Variants in FNIP1 observed in about 807,000 individuals in gnomAD.
FNIP1 encodes folliculin interacting protein 1, also known as folliculin-interacting protein 1.
Under a neutral mutation model 124.5 loss-of-function variants are expected in FNIP1, and 40 were observed. The ratio of observed to expected loss-of-function variants is 0.32; its 90% CI spans 0.25 to 0.42. FNIP1 has a LOEUF of 0.42. FNIP1 is among the 10% of genes least tolerant of loss of function. The pLI, the probability that FNIP1 is intolerant of heterozygous loss-of-function variation, is 1.00. For missense variants in FNIP1, 1,176 were observed against 1,403.7 expected (o/e 0.84, Z 2.59); for synonymous variants, 472 against 470.6 (o/e 1.00, Z -0.04).
chr5:131,661,928 G>A (rs1170892735), intron 15 of FNIP1, among the ~76,000 whole-genome samples: 1 of 152,156 alleles, frequency 6.6e-6, no homozygotes, highest in African/African-American at 2.4e-5. Context: ...TTTTCGATGG[G>A]TCAGTTATAA....
At chr5:131,746,885 T>C (rs951275664) in intron 1 of FNIP1, among the ~76,000 whole-genome samples, 2 of 152,220 alleles carry the variant, frequency 1.3e-5, no homozygotes, top group African/African-American at 4.8e-5. Flanking sequence ...CTACTTTACA[T>C]TCCCATCAAT....
chr5:131,704,244 G>C lies in FNIP1; in HGVS notation c.937C>G (p.Leu313Val), dbSNP rs1769001315. ...PRWSIEESFN[L>V]SDESCGPNPG... ...TTAGGGCCACAGCTTTCATCTGAGA[G>C]ATTAAAGCTTTCTTCTATAGACCTT... is the stretch of plus-strand genomic sequence containing the variant. The change falls in exon 10 of 18, where the codon CTC (leucine) becomes GTC (valine). Residue 313 changes from leucine to valine, a missense_variant. Physicochemically the swap from Leu to Val is conservative, Grantham distance 32. This residue lies in a region of FNIP1 where 1,109 missense variants were observed against 1,288.5 expected (regional missense o/e 0.86). Coordinates refer to ENST00000510461, the MANE Select transcript of FNIP1 (RefSeq NM_133372.3). 1 of 1,611,886 alleles carries C rather than the reference G, an allele frequency of 6.2e-7. No individual in the cohort carries two copies.
intron 3 of FNIP1, among the ~76,000 whole-genome samples, chr5:131,728,579 C>A (rs904099797): frequency 1.3e-5 from 2 of 152,142 alleles, no homozygotes; most frequent in African/African-American, 4.8e-5. Flanking sequence ...AGCAATTCAT[C>A]TAACCTTTTT....
intron 2 of FNIP1, among the ~76,000 whole-genome samples, chr5:131,739,812 C>CAAAA (rs60928249): frequency 2.2e-4 from 7 of 31,358 alleles, no homozygotes; most frequent in Non-Finnish European, 2.9e-4. Context: ...GACTCCAGCT[C>CAAAA]AAAAAAAAAA....
chr5:131,698,166 C>T, intron 11 of FNIP1, among the ~76,000 whole-genome samples: 1 of 152,058 alleles, frequency 6.6e-6, no homozygotes, highest in Non-Finnish European at 1.5e-5. Flanking sequence ...TGCCCAAGAT[C>T]ACCAGAGGTA....
chr5:131,750,306 A>C (rs917940798), intron 1 of FNIP1, among the ~76,000 whole-genome samples: 5 of 152,188 alleles, frequency 3.3e-5, no homozygotes, highest in Non-Finnish European at 7.3e-5. Context: ...TGCTGAAAAA[A>C]CGCAAAGAAG....
intron 1 of FNIP1, among the ~76,000 whole-genome samples, chr5:131,775,262 TG>T (rs1771762194): frequency 6.6e-6 from 1 of 152,176 alleles, no homozygotes; most frequent in Non-Finnish European, 1.5e-5. Flanking sequence ...GAGCTTTTTT[TG>T]CCCCCTGGCA....
At chr5:131,775,667 G>A (rs6877358) in intron 1 of FNIP1, among the ~76,000 whole-genome samples, 117,811 of 151,000 alleles carry the variant, frequency 0.78, 46,134 homozygotes, top group Middle Eastern at 0.83. Context: ...ACCTTGGATT[G>A]TAGGCGTCCG....
chr5:131,770,450 A>C (rs1403368175), intron 1 of FNIP1, among the ~76,000 whole-genome samples: 3 of 152,308 alleles, frequency 2.0e-5, no homozygotes, highest in Admixed American at 2.0e-4. Flanking sequence ...TAGAAAAACC[A>C]AGGGGTGCAT....
At position 131,796,974 on chromosome 5, in the gene FNIP1, C is replaced by A; in HGVS notation, c.-53G>T. 3 of 1,485,682 alleles carry A rather than the reference C, an allele frequency of 2.0e-6. No individual in the cohort carries two copies. Among genetic ancestry groups the A allele is most frequent in the Non-Finnish European group, 2.7e-6 (3 of 1,094,440 alleles). 92.0% of individuals were successfully genotyped at this position (1,485,682 alleles called of 1,614,324 possible). The stretch of plus-strand genomic sequence containing the variant: ...CCGCTGGGCGCTTGCTAGGCCCCTG[C>A]TCCTACAGCCGCCCCGCCACCCCCA... On this transcript the variant is annotated 5_prime_UTR_variant, in exon 1 of 18. Transcript: ENST00000510461.
At chr5:131,671,408 C>T in intron 14 of FNIP1, 97 bp downstream of exon 14, 1 of 1,008,508 alleles carries the variant, frequency 9.9e-7, no homozygotes, top group Non-Finnish European at 1.5e-6. Context: ...CTATCCAGAA[C>T]AATGATCTCT....
chr5:131,677,142 T>A (rs939233710), intron 13 of FNIP1, among the ~76,000 whole-genome samples: 16 of 152,232 alleles, frequency 1.1e-4, no homozygotes, highest in Non-Finnish European at 1.9e-4. Flanking sequence ...GAAACTGTGA[T>A]TCAAATGTGG....
chr5:131,748,738 G>A (rs1027696300), intron 1 of FNIP1, among the ~76,000 whole-genome samples: 3 of 150,720 alleles, frequency 2.0e-5, no homozygotes, highest in African/African-American at 7.3e-5. Flanking sequence ...TATGTTACTG[G>A]TTTATGAATT....
intron 1 of FNIP1, among the ~76,000 whole-genome samples, chr5:131,768,689 C>G (rs1468513510): frequency 2.0e-5 from 3 of 152,090 alleles, no homozygotes; most frequent in African/African-American, 7.2e-5. Flanking sequence ...ATCCCAGCTA[C>G]TCGGGAGCCT....
At chr5:131,777,769 A>C (rs1771860435) in intron 1 of FNIP1, among the ~76,000 whole-genome samples, 1 of 152,156 alleles carries the variant, frequency 6.6e-6, no homozygotes, top group Non-Finnish European at 1.5e-5. Context: ...TGTGGTTCTC[A>C]AAGTGTGGTC....
intron 15 of FNIP1, among the ~76,000 whole-genome samples, chr5:131,654,019 C>A (rs185832774): frequency 1.3e-5 from 2 of 152,216 alleles, no homozygotes; most frequent in Admixed American, 6.5e-5. Flanking sequence ...GGATTACAGG[C>A]GTGAGCCACT....
chr5:131,762,734 C>G (rs1339412266), intron 1 of FNIP1, among the ~76,000 whole-genome samples: 1 of 152,128 alleles, frequency 6.6e-6, no homozygotes, highest in Non-Finnish European at 1.5e-5. Flanking sequence ...ATACAGCAAT[C>G]CCACTGCTAA....
chr5:131,771,247 T>C (rs1771623631), intron 1 of FNIP1, among the ~76,000 whole-genome samples: 1 of 152,232 alleles, frequency 6.6e-6, no homozygotes. Flanking sequence ...TGATTGTCTG[T>C]ACCTCTAGTC....
chr5:131,744,680 G>A lies in FNIP1; in HGVS notation c.103C>T (p.Pro35Ser). The part of the protein sequence containing the change: ...DPDCGFSWPL[P>S]EFDPSQIRLI... ...CGAATCTGGCTTGGATCAAACTCTG[G>A]TAAAGGCCAACTTGAAAGAAAAGTA... Residue 35 changes from proline to serine, a missense_variant, in exon 2 of 18, where the codon CCA becomes TCA. Coordinates refer to ENST00000510461, the MANE Select transcript of FNIP1 (RefSeq NM_133372.3). The A allele has an allele frequency of 1.2e-6, 2 of 1,606,920 alleles. No homozygotes were observed. The highest frequency in any genetic ancestry group is 1.1e-5 in the South Asian group (1 of 89,824).
Sources: allele counts gnomAD v4.1 joint callset (sites outside exome capture counted in the v4.1 genomes callset), GRCh38; gene constraint gnomAD v4.1.1; regional missense constraint gnomAD v4.1.1; transcripts MANE v1.5; gene names NCBI Gene and HGNC (gene_info 2026-07-23, HGNC 2026-07-21).